SLC35F1: variants seen among roughly 807,000 people sequenced by gnomAD.
SLC35F1 encodes the protein chromosome 6 open reading frame 169.
Under a neutral mutation model 48.7 loss-of-function variants are expected in SLC35F1, and 14 were observed. That is an observed-to-expected ratio of 0.29 (90% CI 0.19 to 0.45). SLC35F1 has a LOEUF of 0.45. Among genes scored for constraint, SLC35F1 ranks in the 20% least tolerant of loss-of-function variants. SLC35F1 has a pLI of 1.00. For missense variants in SLC35F1, 404 were observed against 500.0 expected (o/e 0.81, Z 1.83); for synonymous variants, 190 against 202.2 (o/e 0.94, Z 0.51).
chr6:118,262,550 C>A (rs1015546703), intron 3 of SLC35F1, among the ~76,000 whole-genome samples: 1 of 152,104 alleles, frequency 6.6e-6, no homozygotes, highest in Non-Finnish European at 1.5e-5. Context: ...ATTTAAATAA[C>A]TTTTGGAAGC....
At position 118,031,660 on chromosome 6, in the gene SLC35F1, T is replaced by G. The variant is rs75584398; in HGVS notation, c.174-122785T>G. 5.8e-3 allele frequency among the ~76,000 whole-genome samples: 889 copies of G among 152,334 alleles called. 20 individuals are homozygous for G. The highest frequency in any genetic ancestry group is 0.046 in the East Asian group (240 of 5,182). ...GGCTTTATTGAAGCGACAGTGTTAC[T>G]GCTCCATGACTGCTCCTGCAGAGTA... On this transcript the variant is annotated intron_variant, in intron 1 of 7. Coordinates refer to ENST00000360388, the MANE Select transcript of SLC35F1 (RefSeq NM_001029858.4).
intron 1 of SLC35F1, among the ~76,000 whole-genome samples, chr6:117,977,278 C>A (rs1303267773): frequency 6.6e-6 from 1 of 151,354 alleles, no homozygotes; most frequent in Non-Finnish European, 1.5e-5. Flanking sequence ...CCCACTGCAA[C>A]CTCTGCCTCC....
At chr6:118,174,549 G>T (rs1774457742) in intron 2 of SLC35F1, among the ~76,000 whole-genome samples, 1 of 152,086 alleles carries the variant, frequency 6.6e-6, no homozygotes, top group Non-Finnish European at 1.5e-5. Context: ...AATATCCAAG[G>T]TGTATGGGAC....
rs567962376 is a variant in SLC35F1, at chr6:118,000,847, C to T, written c.173+92948C>T. On this transcript the variant is annotated intron_variant, in intron 1 of 7. Transcript: ENST00000360388. ...CAAATCATGAGTGAACTCCCATTCA[C>T]AATTGCTTCAAAGAGAATAAAATAC... Among the ~76,000 whole-genome samples the T allele has an allele frequency of 2.6e-4, 39 of 152,252 alleles. No individual in the cohort carries two copies. In the South Asian group the frequency reaches 7.5e-3, roughly 29 times the overall value.
intron 1 of SLC35F1, among the ~76,000 whole-genome samples, chr6:118,001,737 C>G (rs1348883854): frequency 1.3e-5 from 2 of 152,098 alleles, no homozygotes; most frequent in African/African-American, 4.8e-5. Context: ...GTACAATGAA[C>G]TCAAACAAAT....
intron 1 of SLC35F1, among the ~76,000 whole-genome samples, chr6:118,113,782 GCTT>G (rs1773440829): frequency 6.6e-6 from 1 of 152,026 alleles, no homozygotes; most frequent in African/African-American, 2.4e-5. Flanking sequence ...TTTCTCCCCA[GCTT>G]CTTATTTTAG....
intron 1 of SLC35F1, among the ~76,000 whole-genome samples, chr6:117,992,581 T>C (rs1356412085): frequency 6.6e-6 from 1 of 152,236 alleles, no homozygotes; most frequent in Non-Finnish European, 1.5e-5. Flanking sequence ...GTTTGATTAC[T>C]CTGTACATAA....
chr6:118,171,065 C>T (rs1774396932), intron 2 of SLC35F1, among the ~76,000 whole-genome samples: 1 of 151,944 alleles, frequency 6.6e-6, no homozygotes, highest in East Asian at 1.9e-4. Context: ...GAAACAGGGT[C>T]TCTCTCTGTC....
intron 2 of SLC35F1, among the ~76,000 whole-genome samples, chr6:118,173,084 C>A (rs1159104715): frequency 6.6e-6 from 1 of 152,078 alleles, no homozygotes; most frequent in Non-Finnish European, 1.5e-5. Flanking sequence ...TCCCCACAAG[C>A]ATCCCATAGG....
intron 2 of SLC35F1, among the ~76,000 whole-genome samples, chr6:118,191,827 A>G (rs917117862): frequency 6.6e-6 from 1 of 152,198 alleles, no homozygotes; most frequent in South Asian, 2.1e-4. Context: ...AAATCCCTTT[A>G]TAAAATGTTT....
At chr6:118,151,314 A>G (rs902922140) in intron 1 of SLC35F1, among the ~76,000 whole-genome samples, 2 of 152,116 alleles carry the variant, frequency 1.3e-5, no homozygotes, top group African/African-American at 4.8e-5. Flanking sequence ...TTTTATGAGT[A>G]TAACCTCTGC....
chr6:117,983,433 C>G (rs757497165), intron 1 of SLC35F1, among the ~76,000 whole-genome samples: 1 of 152,034 alleles, frequency 6.6e-6, no homozygotes, highest in African/African-American at 2.4e-5. Context: ...AAAAATTAGT[C>G]GGGTGTGGTG....
chr6:117,925,913 C>T (rs901101375), intron 1 of SLC35F1, among the ~76,000 whole-genome samples: 2 of 152,166 alleles, frequency 1.3e-5, no homozygotes, highest in Non-Finnish European at 2.9e-5. Flanking sequence ...GAAAGGCCCC[C>T]ACTCCATGTC....
At chr6:118,003,010 C>G (rs1157199543) in intron 1 of SLC35F1, among the ~76,000 whole-genome samples, 3 of 152,294 alleles carry the variant, frequency 2.0e-5, no homozygotes, top group Middle Eastern at 3.4e-3. Flanking sequence ...TCTCTGCACA[C>G]AATATCTAGA....
rs777904324 is a variant in SLC35F1, at chr6:117,977,340, T to C, written c.173+69441T>C. 8.0e-4 allele frequency among the ~76,000 whole-genome samples: 121 copies of C among 151,972 alleles called. 1 individual carries two copies. The highest frequency in any genetic ancestry group is 1.2e-3 in the Non-Finnish European group (79 of 68,004). On this transcript the variant is annotated intron_variant, in intron 1 of 7. Transcript: ENST00000360388. ...GCCTCCCAAGGCTTTTGACATATACTGCTGAACTACTTTCTAGAAAGGTTT... is the reference window on the plus strand; with the variant it reads ...GCCTCCCAAGGCTTTTGACATATACCGCTGAACTACTTTCTAGAAAGGTTT...
intron 1 of SLC35F1, among the ~76,000 whole-genome samples, chr6:118,055,123 T>C (rs1582641317): frequency 1.3e-5 from 2 of 152,262 alleles, no homozygotes; most frequent in East Asian, 3.9e-4. Flanking sequence ...ATTGAAAGAG[T>C]ATTTGGATAT....
At chr6:118,058,612 T>C (rs1393000637) in intron 1 of SLC35F1, among the ~76,000 whole-genome samples, 1 of 152,212 alleles carries the variant, frequency 6.6e-6, no homozygotes, top group Non-Finnish European at 1.5e-5. Context: ...AATCTCTAGG[T>C]AGCTTGAAAT....
chr6:117,987,025 C>T (rs1776856497), intron 1 of SLC35F1, among the ~76,000 whole-genome samples: 1 of 152,140 alleles, frequency 6.6e-6, no homozygotes, highest in African/African-American at 2.4e-5. Flanking sequence ...TTCAGATAAA[C>T]TGCCAGGGTT....
intron 2 of SLC35F1, among the ~76,000 whole-genome samples, chr6:118,176,876 G>GT (rs113276884): frequency 0.11 from 16,338 of 151,362 alleles, 2,737 homozygotes; most frequent in African/African-American, 0.36. Flanking sequence ...ATTTGTGCTT[G>GT]TTTTTTTTGT....
Sources: gnomAD v4.1 joint callset for allele counts (sites outside exome capture counted in the v4.1 genomes callset) on GRCh38, gnomAD v4.1.1 for gene constraint, MANE v1.5 for transcripts, NCBI Gene and HGNC (gene_info 2026-07-23, HGNC 2026-07-21) for gene names.